ZC3H12A: variants seen among roughly 807,000 people sequenced by gnomAD.
ZC3H12A encodes endoribonuclease ZC3H12A.
ZC3H12A carries 9 observed loss-of-function variants against 29.9 expected under a neutral mutation model. The observed-to-expected ratio is 0.30, with a 90% CI of 0.18 to 0.53. The LOEUF is 0.53. ZC3H12A is among the 20% of genes least tolerant of loss of function. The probability of loss-of-function intolerance (pLI) is 0.96; values close to 1 mark genes in which losing one functional copy is unlikely to be tolerated. For synonymous variants in ZC3H12A, 323 were observed against 338.1 expected, an observed-to-expected ratio of 0.96 and a Z score of 0.49; for missense variants, 617 against 799.0, an observed-to-expected ratio of 0.77 and a Z score of 2.75.
At position 37,483,472 on chromosome 1, in the gene ZC3H12A, C is replaced by T. The variant is rs768231127; in HGVS notation, c.1661C>T (p.Ala554Val). ...GCAGGCAGCCTGGCCAAGGAGCAGG[C>T]CAGCGTGTATACTAAGCTGTGTGGT... The part of the protein sequence containing the change: ...GRAGSLAKEQ[A>V]SVYTKLCGVF... Residue 554 changes from alanine to valine, a missense_variant, in exon 6 of 6, where the codon GCC (alanine) becomes GTC (valine). Ala to Val is a moderately conservative substitution (Grantham distance 64, BLOSUM62 0). This residue lies in a region of ZC3H12A where 172 missense variants were observed against 203.1 expected (regional missense o/e 0.85). Coordinates refer to ENST00000373087, the MANE Select transcript of ZC3H12A (RefSeq NM_025079.3). 2.5e-6 allele frequency: 4 copies of T among 1,614,000 alleles called. No homozygotes were observed. The highest frequency in any genetic ancestry group is 2.2e-5 in the South Asian group (2 of 91,086).
intron 1 of ZC3H12A, among the ~76,000 whole-genome samples, chr1:37,474,837 C>A (rs2783730): frequency 0.53 from 79,648 of 151,658 alleles, 21,563 homozygotes; most frequent in Middle Eastern, 0.67. Flanking sequence ...CGGGGAAGAG[C>A]ACCAGGTTCC....
In ZC3H12A at chr1:37,481,812, C is replaced by A; in HGVS notation, c.795C>A (p.Leu265=). 6.2e-7 allele frequency: 1 copy of A among 1,614,072 alleles called. No homozygotes were observed. The highest frequency in any genetic ancestry group is 1.1e-5 in the South Asian group (1 of 91,048). ...EWKRFIEERL[L]MYSFVNDKFM... is the part of the protein sequence containing the mutation. ...AGCGCTTCATCGAGGAGCGGCTGCT[C>A]ATGTACTCCTTCGTCAATGACAAGT... The change falls in exon 4 of 6, where the codon CTC becomes CTA. Residue 265 remains leucine (L), a synonymous_variant. Coordinates refer to ENST00000373087, the MANE Select transcript of ZC3H12A (RefSeq NM_025079.3).
chr1:37,480,355 G>T lies in ZC3H12A; in HGVS notation c.509G>T (p.Arg170Leu). 1 of 1,614,044 alleles carries T rather than the reference G, an allele frequency of 6.2e-7. No individual in the cohort carries two copies. The highest frequency in any genetic ancestry group is 8.5e-7 in the Non-Finnish European group (1 of 1,179,960). The change falls in exon 3 of 6, where the codon CGG becomes CTG. Residue 170 changes from arginine (R) to leucine (L), a missense_variant. By Grantham distance (102) the Arg-to-Leu change is moderately radical. Coordinates refer to ENST00000373087, the MANE Select transcript of ZC3H12A (RefSeq NM_025079.3). ...ILLAVNWFLE[R>L]GHTDITVFVP... ...CTGGCAGTGAACTGGTTTCTGGAGC[G>T]GGGCCACACAGACATCACAGTGTTT... is the stretch of plus-strand genomic sequence containing the variant.
rs751678135 is a variant in ZC3H12A, at chr1:37,479,903, CG to C, written c.444-385del. ...GGTGGGGCAGGAACCAGAAGTCTCG[CG>C]GCACCTTTCCCCCACCCCCAGGTGT... On this transcript the variant is annotated intron_variant, in intron 2 of 5. Transcript: ENST00000373087. The surrounding 1 kb of genome is among the most constrained non-coding windows in gnomAD (Gnocchi z 4.5). 8.9e-6 allele frequency: 9 copies of C among 1,013,128 alleles called. No homozygotes were observed. The East Asian group carries it at 2.9e-4, about 32-fold the overall frequency. The allele number at this position is 1,013,128 out of a possible 1,614,324, so 62.8% of individuals were successfully genotyped here. A position where few individuals can be genotyped will look rare whatever the true frequency, so the allele number is the denominator to read the frequency against.
chr1:37,482,256 T>C, intron 4 of ZC3H12A, 178 bp from the exon 5 acceptor site: 1 of 614,592 alleles, frequency 1.6e-6, no homozygotes, highest in Non-Finnish European at 2.8e-6. Flanking sequence ...CGGGGATCCC[T>C]TTCTCCTCCC....
chr1:37,482,613 G>C (rs747397801), intron 5 of ZC3H12A, 73 bp downstream of exon 5: 20 of 1,608,808 alleles, frequency 1.2e-5, no homozygotes. Flanking sequence ...CCTGTGCCCT[G>C]TTTTCCTCTT....
At position 37,483,934 on chromosome 1, in the gene ZC3H12A, T is replaced by G. The variant is rs973022005; in HGVS notation, c.*323T>G. The G allele has an allele frequency of 3.7e-6, 1 of 273,204 alleles. No homozygotes were observed. The highest frequency in any genetic ancestry group is 7.0e-6 in the Non-Finnish European group (1 of 142,988). The allele number at this position is 273,204 out of a possible 1,614,324, so 16.9% of individuals were successfully genotyped here. A position where few individuals can be genotyped will look rare whatever the true frequency, so the allele number is the denominator to read the frequency against. ...CCAAACCGTCTTTTCTCTCAGAGGG[T>G]GGGGAGGGAGGTGGGGGCAGCAGAG... On this transcript the variant is annotated 3_prime_UTR_variant, in exon 6 of 6. Coordinates refer to ENST00000373087, the MANE Select transcript of ZC3H12A (RefSeq NM_025079.3).
Sources: gnomAD v4.1 joint callset for allele counts (sites outside exome capture counted in the v4.1 genomes callset) on GRCh38, gnomAD v4.1.1 for gene constraint, gnomAD v4.1.1 regional missense constraint, Gnocchi (gnomAD v3.1) non-coding constraint, MANE v1.5 for transcripts, NCBI Gene and HGNC (gene_info 2026-07-23, HGNC 2026-07-21) for gene names.